SPEF2: variants seen among roughly 807,000 people sequenced by gnomAD.
SPEF2 encodes the protein sperm flagella and cilia-associated protein 2.
A neutral mutation model predicts 224.6 loss-of-function variants in SPEF2; 187 were observed. The observed-to-expected ratio is 0.83, with a 90% CI of 0.74 to 0.94. The LOEUF is 0.94. Ranked by LOEUF, SPEF2 falls within the 40% of genes least tolerant of loss-of-function variation. SPEF2 has a pLI of 0.00. For missense variants in SPEF2, 2,170 were observed against 2,135.6 expected (o/e 1.02, Z -0.32); for synonymous variants, 715 against 707.3 (o/e 1.01, Z -0.17).
chr5:35,665,099 T>C (rs1183332186), intron 8 of SPEF2, among the ~76,000 whole-genome samples: 1 of 152,188 alleles, frequency 6.6e-6, no homozygotes, highest in African/African-American at 2.4e-5. Flanking sequence ...CAAGCATGTA[T>C]AATATAATTC....
At chr5:35,670,927 T>A in intron 10 of SPEF2, 1 of 985,448 alleles carries the variant, frequency 1.0e-6, no homozygotes. Flanking sequence ...GTGCACTTCA[T>A]GTTGGATGCA....
chr5:35,763,627 T>G lies in SPEF2; in HGVS notation c.3726T>G (p.Val1242=). 1 of 1,613,976 alleles carries G rather than the reference T, an allele frequency of 6.2e-7. No individual in the cohort carries two copies. The highest frequency in any genetic ancestry group is 1.1e-5 in the South Asian group (1 of 91,054). ...KGKMDNSLEN[V]ESNFEADEKL... is the part of the protein sequence containing the mutation. ...AGATGGATAACTCCCTAGAAAACGT[T>G]GAGTCCAACTTTGAGGCCGATGAAA... Residue 1242 remains valine (V), a synonymous_variant, in exon 26 of 37, where the codon GTT becomes GTG. Coordinates refer to ENST00000356031, the MANE Select transcript of SPEF2 (RefSeq NM_024867.4).
chr5:35,728,380 A>T (rs902986907), intron 21 of SPEF2, among the ~76,000 whole-genome samples: 6 of 152,206 alleles, frequency 3.9e-5, no homozygotes, highest in Non-Finnish European at 8.8e-5. Context: ...GTTGCCATCT[A>T]CTATTTTTAG....
At chr5:35,771,297 A>G (rs1752821050) in intron 26 of SPEF2, among the ~76,000 whole-genome samples, 1 of 152,122 alleles carries the variant, frequency 6.6e-6, no homozygotes, top group Non-Finnish European at 1.5e-5. Context: ...AAAAGAAAGG[A>G]ATTTTTGCAT....
rs184316044 is a variant in SPEF2, at chr5:35,785,724, T to C, written c.4447+6378T>C. Among the ~76,000 whole-genome samples, 997 of 147,152 alleles carry C rather than the reference T, an allele frequency of 6.8e-3. 5 individuals carry two copies. Among genetic ancestry groups the C allele is most frequent in the Non-Finnish European group, 0.01 (704 of 67,594 alleles). ...AATTTGTTTTTTTAATTTTCTTCTC[T>C]TTTCTTTTTTTTTTTTGTAGAAATG... On this transcript the variant is annotated intron_variant, in intron 30 of 36. Coordinates refer to ENST00000356031, the MANE Select transcript of SPEF2 (RefSeq NM_024867.4).
chr5:35,736,949 T>A (rs1399267796), intron 21 of SPEF2, among the ~76,000 whole-genome samples: 1 of 152,172 alleles, frequency 6.6e-6, no homozygotes, highest in African/African-American at 2.4e-5. Context: ...GCCATGACCT[T>A]TTCTCTTGAC....
At chr5:35,671,363 A>G in intron 10 of SPEF2, 1 of 959,216 alleles carries the variant, frequency 1.0e-6, no homozygotes. Context: ...AATTAAATGA[A>G]TCTGTATTTG....
At chr5:35,709,787 T>C (rs1170644198) in intron 19 of SPEF2, 1 of 985,278 alleles carries the variant, frequency 1.0e-6, no homozygotes, top group Non-Finnish European at 1.2e-6. Flanking sequence ...TGCTTAATTG[T>C]TGTAATGCAT....
intron 16 of SPEF2, among the ~76,000 whole-genome samples, chr5:35,702,478 A>C (rs777885844): frequency 6.6e-5 from 10 of 152,194 alleles, no homozygotes; most frequent in Non-Finnish European, 1.5e-4. Context: ...AGTAATGTTC[A>C]CATCTGGTGA....
Position 35,654,579 on chromosome 5 carries a change from C to G in SPEF2, c.831C>G (p.Thr277=), listed in dbSNP as rs745616228. 1 of 1,607,860 alleles carries G rather than the reference C, an allele frequency of 6.2e-7. No homozygotes were observed. The highest frequency in any genetic ancestry group is 2.2e-5 in the East Asian group (1 of 44,778). The change falls in exon 7 of 37, where the codon ACC becomes ACG. Residue 277 remains threonine, a synonymous_variant. Coordinates refer to ENST00000356031, the MANE Select transcript of SPEF2 (RefSeq NM_024867.4). ...CTTTAGATACAGCAGGCCAGACAAC[C>G]ACCGATTTGTTAAATACTTACTCAG... ...KTSLDTAGQT[T]TDLLNTYSDD... is the part of the protein sequence containing the mutation.
intron 17 of SPEF2, among the ~76,000 whole-genome samples, 180 bp from the exon 18 acceptor site, chr5:35,705,471 A>G: frequency 6.6e-6 from 1 of 152,104 alleles, no homozygotes; most frequent in East Asian, 1.9e-4. Flanking sequence ...CTCAAAAAAT[A>G]TGTCTTGATG....
chr5:35,781,145 T>G (rs1472582404), intron 30 of SPEF2, among the ~76,000 whole-genome samples: 1 of 145,014 alleles, frequency 6.9e-6, no homozygotes, highest in Admixed American at 6.8e-5. Context: ...AACGGAGTTG[T>G]TTTTTTTTTA....
intron 21 of SPEF2, among the ~76,000 whole-genome samples, chr5:35,733,812 A>T (rs912564658): frequency 1.2e-4 from 18 of 151,902 alleles, no homozygotes; most frequent in South Asian, 2.1e-4. Flanking sequence ...GTGGATTGTG[A>T]CTGGTCTATG....
intron 18 of SPEF2, among the ~76,000 whole-genome samples, chr5:35,708,664 A>T (rs1229160027): frequency 7.9e-5 from 12 of 151,574 alleles, no homozygotes; most frequent in South Asian, 2.1e-4. Context: ...CACCACTACC[A>T]CCAGCACCAT....
intron 30 of SPEF2, among the ~76,000 whole-genome samples, chr5:35,785,272 C>T (rs1754937540): frequency 6.6e-6 from 1 of 152,074 alleles, no homozygotes; most frequent in Non-Finnish European, 1.5e-5. Flanking sequence ...CACAGAAATG[C>T]AGTAGTGGAT....
intron 8 of SPEF2, among the ~76,000 whole-genome samples, chr5:35,663,961 C>T (rs1750079654): frequency 6.6e-6 from 1 of 152,144 alleles, no homozygotes; most frequent in Admixed American, 6.5e-5. Context: ...CCCTCTGAGG[C>T]TTCATTGCCC....
chr5:35,787,018 G>T (rs2149817856), intron 30 of SPEF2, among the ~76,000 whole-genome samples: 1 of 152,322 alleles, frequency 6.6e-6, no homozygotes, highest in East Asian at 1.9e-4. Flanking sequence ...CAAAGAATGT[G>T]TAGAAGGAAC....
intron 36 of SPEF2, chr5:35,807,698 A>G (rs970960438): frequency 3.3e-5 from 50 of 1,536,010 alleles, no homozygotes; most frequent in Non-Finnish European, 3.9e-5. Context: ...CACCACTTCC[A>G]TCAGGAAAAC....
chr5:35,687,869 T>A (rs1753873797), intron 10 of SPEF2, among the ~76,000 whole-genome samples: 1 of 152,164 alleles, frequency 6.6e-6, no homozygotes, highest in African/African-American at 2.4e-5. Flanking sequence ...ATCTATACAT[T>A]TTTTGTTAAT....
Sources: allele counts gnomAD v4.1 joint callset (sites outside exome capture counted in the v4.1 genomes callset), GRCh38; gene constraint gnomAD v4.1.1; transcripts MANE v1.5; gene names NCBI Gene and HGNC (gene_info 2026-07-23, HGNC 2026-07-21).